RSBN1: variants seen among roughly 807,000 people sequenced by gnomAD.
RSBN1 encodes round spermatid basic protein 1, also known as lysine-specific demethylase 9.
Under a neutral mutation model 74.8 loss-of-function variants are expected in RSBN1, and 23 were observed. The observed-to-expected ratio is 0.31, with a 90% CI of 0.22 to 0.44. The LOEUF (loss-of-function observed/expected upper bound fraction) is 0.44. Ranked by LOEUF, RSBN1 falls within the 20% of genes least tolerant of loss-of-function variation. RSBN1 has a pLI of 1.00. For missense variants in RSBN1, 808 were observed against 1,020.9 expected, an observed-to-expected ratio of 0.79 and a Z score of 2.84; for synonymous variants, 407 against 379.6, an observed-to-expected ratio of 1.07 and a Z score of -0.84.
chr1:113,803,119 T>C (rs1428545477), intron 1 of RSBN1, among the ~76,000 whole-genome samples: 1 of 152,234 alleles, frequency 6.6e-6, no homozygotes, highest in Non-Finnish European at 1.5e-5. Context: ...CTTTTCAGGA[T>C]GGCTTCTTCC....
chr1:113,793,081 T>G (rs1660399099), intron 2 of RSBN1, among the ~76,000 whole-genome samples: 3 of 152,218 alleles, frequency 2.0e-5, no homozygotes, highest in Admixed American at 2.0e-4. Flanking sequence ...TTGCACAAAA[T>G]CTACATTTTA....
In RSBN1 at chr1:113,812,245, C is replaced by A. The variant is rs141450686; in HGVS notation, c.168G>T (p.Val56=). The A allele has an allele frequency of 4.2e-5, 68 of 1,606,352 alleles. 1 individual carries two copies. In the East Asian group the frequency reaches 5.8e-4, roughly 14 times the overall value. The change falls in exon 1 of 7, where the codon GTG becomes GTT. Residue 56 remains valine, a synonymous_variant. Coordinates refer to ENST00000261441, the MANE Select transcript of RSBN1 (RefSeq NM_018364.5). ...GCGCCGCCACCGCCCGTACTACGCG[C>A]ACCGCTCCGACCTGCGCAGCCATTT... ...VGEMAAQVGA[V]RVVRAVAAQE...
chr1:113,794,872 T>G (rs781519289), intron 2 of RSBN1, among the ~76,000 whole-genome samples: 96 of 152,344 alleles, frequency 6.3e-4, no homozygotes, highest in Non-Finnish European at 8.2e-4. Context: ...AGTAAGTGCT[T>G]GCTGAATAAA....
rs138251942 is a variant in RSBN1, at chr1:113,793,597, CA to C, written c.1377+3765del. Among the ~76,000 whole-genome samples the C allele has an allele frequency of 1.4e-4, 21 of 152,216 alleles. No homozygotes were observed. The East Asian group carries it at 3.9e-3, about 28-fold the overall frequency. ...ATCTTCTGCATCTCCGCATCTCCTG[CA>C]TTAATGGGTTCAACTTCTGCATCTC... On this transcript the variant is annotated intron_variant, in intron 2 of 6. Transcript: ENST00000261441.
At chr1:113,773,633 G>A (rs188187238) in intron 4 of RSBN1, among the ~76,000 whole-genome samples, 1 of 152,280 alleles carries the variant, frequency 6.6e-6, no homozygotes, top group Admixed American at 6.5e-5. Context: ...TATATGAGTG[G>A]GTATATAAAT....
chr1:113,804,521 C>T (rs1660661560), intron 1 of RSBN1, among the ~76,000 whole-genome samples: 1 of 152,206 alleles, frequency 6.6e-6, no homozygotes, highest in Non-Finnish European at 1.5e-5. Context: ...CACTATCAGA[C>T]ATCTCCCTGC....
chr1:113,794,694 A>G (rs912115788), intron 2 of RSBN1, among the ~76,000 whole-genome samples: 2 of 152,222 alleles, frequency 1.3e-5, no homozygotes, highest in South Asian at 2.1e-4. Context: ...TCAAGTCTGC[A>G]TTAGGTAACA....
At chr1:113,781,071 C>T (rs1660130279) in intron 2 of RSBN1, among the ~76,000 whole-genome samples, 1 of 152,154 alleles carries the variant, frequency 6.6e-6, no homozygotes, top group South Asian at 2.1e-4. Flanking sequence ...CTTCCACCAG[C>T]CCTGCCTGCA....
At chr1:113,785,516 C>T (rs1018039280) in intron 2 of RSBN1, among the ~76,000 whole-genome samples, 6 of 152,182 alleles carry the variant, frequency 3.9e-5, no homozygotes, top group African/African-American at 1.4e-4. Context: ...CTACATAGCA[C>T]ATAAACATAT....
intron 2 of RSBN1, among the ~76,000 whole-genome samples, chr1:113,786,091 A>C (rs182826648): frequency 2.6e-4 from 40 of 152,350 alleles, no homozygotes; most frequent in Non-Finnish European, 4.7e-4. Flanking sequence ...TTAAATAGGG[A>C]CTTCTTTTTA....
Position 113,768,401 on chromosome 1 carries a change from T to A in RSBN1, c.1659-12A>T. 7 of 1,566,932 alleles carry A rather than the reference T, an allele frequency of 4.5e-6. No homozygotes were observed. Among genetic ancestry groups the A allele is most frequent in the Non-Finnish European group, 6.1e-6 (7 of 1,153,158 alleles). ...TTTCATTCATTGATCTAGAGTTGAT[T>A]TGGTTGTTAAACAAAGGGTAAGCAA... On this transcript the variant is annotated splice_polypyrimidine_tract_variant and intron_variant, in intron 4 of 6. Coordinates refer to ENST00000261441, the MANE Select transcript of RSBN1 (RefSeq NM_018364.5).
In RSBN1 at chr1:113,762,794, T is replaced by C. The variant is rs1659704092; in HGVS notation, c.*3186A>G. The C allele has an allele frequency of 6.5e-6, 1 of 152,776 alleles. No individual in the cohort carries two copies. The highest frequency in any genetic ancestry group is 1.5e-5 in the Non-Finnish European group (1 of 68,010). 9.5% of individuals were successfully genotyped at this position (152,776 alleles called of 1,614,324 possible). ...CATTAAGTGTGACTTTTATGCCTAG[T>C]AAGACTGATGCAAGACATCTTTTCC... On this transcript the variant is annotated 3_prime_UTR_variant, in exon 7 of 7. Transcript: ENST00000261441.
At chr1:113,785,946 G>A (rs558217310) in intron 2 of RSBN1, among the ~76,000 whole-genome samples, 12 of 152,324 alleles carry the variant, frequency 7.9e-5, no homozygotes, top group African/African-American at 2.9e-4. Context: ...CTGAAAAGAA[G>A]GAAAGTTACC....
chr1:113,798,397 A>G (rs899104239), intron 1 of RSBN1, among the ~76,000 whole-genome samples: 2 of 152,200 alleles, frequency 1.3e-5, no homozygotes, highest in African/African-American at 4.8e-5. Context: ...ATGTAACAAC[A>G]TAGATTCTTT....
At chr1:113,780,801 G>A (rs1660124183) in intron 2 of RSBN1, among the ~76,000 whole-genome samples, 1 of 152,178 alleles carries the variant, frequency 6.6e-6, no homozygotes, top group African/African-American at 2.4e-5. Flanking sequence ...TACTAGGACT[G>A]GATTTTGAAA....
rs1659744250 is a variant in RSBN1 at position 113,764,585 on chromosome 1, G to T, written c.*1395C>A. On this transcript the variant is annotated 3_prime_UTR_variant, in exon 7 of 7. Coordinates refer to ENST00000261441, the MANE Select transcript of RSBN1 (RefSeq NM_018364.5). ...TCAAAAGATGCAGCTAAGTTTTCATGGTGACAGACATAATAAAGCAGCATC... is the reference window on the plus strand; with the variant it reads ...TCAAAAGATGCAGCTAAGTTTTCATTGTGACAGACATAATAAAGCAGCATC... The T allele has an allele frequency of 6.6e-6, 1 of 150,800 alleles. No homozygotes were observed. The highest frequency in any genetic ancestry group is 6.6e-5 in the Admixed American group (1 of 15,074). 9.3% of individuals were successfully genotyped at this position (150,800 alleles called of 1,614,324 possible).
intron 2 of RSBN1, among the ~76,000 whole-genome samples, chr1:113,783,289 T>C (rs1255694638): frequency 2.7e-5 from 4 of 147,940 alleles, no homozygotes; most frequent in East Asian, 4.0e-4. Context: ...AAAAAAGGGG[T>C]GGAGGGGGAG....
At chr1:113,789,820 C>T (rs986004477) in intron 2 of RSBN1, among the ~76,000 whole-genome samples, 3 of 152,186 alleles carry the variant, frequency 2.0e-5, no homozygotes, top group Admixed American at 1.3e-4. Context: ...TGTTCAAAAA[C>T]AGTGATACAG....
rs572026739 is a variant in RSBN1 at position 113,766,221 on chromosome 1, C to A, written c.2168G>T (p.Gly723Val). The change falls in exon 7 of 7, where the codon GGT (glycine) becomes GTT (valine). Residue 723 changes from glycine to valine, a missense_variant. Around this residue, in one of 6 missense-constraint regions of RSBN1, gnomAD observed 91 missense variants for 99.6 expected, o/e 0.91. Coordinates refer to ENST00000261441, the MANE Select transcript of RSBN1 (RefSeq NM_018364.5). Reference protein sequence around the residue: ...NTESNSNMDCGLTGKRELEVD... With the variant: ...NTESNSNMDCVLTGKRELEVD... The stretch of plus-strand genomic sequence containing the variant: ...TTCTAATTCTCGCTTTCCAGTTAAA[C>A]CACAGTCCATGTTAGAATTGCTTTC... 1 of 1,613,990 alleles carries A rather than the reference C, an allele frequency of 6.2e-7. No homozygotes were observed. Among genetic ancestry groups the A allele is most frequent in the African/African-American group, 1.3e-5 (1 of 74,922 alleles).
Sources: allele counts gnomAD v4.1 joint callset (sites outside exome capture counted in the v4.1 genomes callset), GRCh38; gene constraint gnomAD v4.1.1; regional missense constraint gnomAD v4.1.1; transcripts MANE v1.5; gene names NCBI Gene and HGNC (gene_info 2026-07-23, HGNC 2026-07-21).